BDKRB2: variants seen among roughly 807,000 people sequenced by gnomAD.
The protein encoded by BDKRB2 is bradykinin receptor B2.
A neutral mutation model predicts 4.0 loss-of-function variants in BDKRB2; 6 were observed. That is an observed-to-expected ratio of 1.49 (90% confidence interval 0.81 to 2.93). BDKRB2 has a LOEUF of 2.93. BDKRB2 is among the 30% of genes most tolerant of loss of function. The pLI, the probability that BDKRB2 is intolerant of heterozygous loss-of-function variation, is 0.00. For missense variants in BDKRB2, 478 were observed against 520.1 expected (o/e 0.92, Z 0.79); for synonymous variants, 225 against 215.3 (o/e 1.05, Z -0.40).
intron 1 of BDKRB2, among the ~76,000 whole-genome samples, chr14:96,227,586 C>T (rs1890725463): frequency 6.6e-6 from 1 of 152,034 alleles, no homozygotes; most frequent in Non-Finnish European, 1.5e-5. Context: ...CAAACACATG[C>T]ATGCACACAC....
intron 1 of BDKRB2, among the ~76,000 whole-genome samples, chr14:96,225,591 T>C (rs1890677682): frequency 6.6e-6 from 1 of 151,914 alleles, no homozygotes; most frequent in Admixed American, 6.6e-5. Flanking sequence ...ATAGTATAGG[T>C]CCCTTCAGCA....
intron 1 of BDKRB2, among the ~76,000 whole-genome samples, chr14:96,210,160 A>C (rs768021227): frequency 1.5e-4 from 23 of 152,274 alleles, no homozygotes; most frequent in Non-Finnish European, 2.8e-4. Flanking sequence ...GGTGAAATAC[A>C]ACAGAGCTGC....
At chr14:96,214,742 A>G (rs1399085167) in intron 1 of BDKRB2, 1 of 152,292 alleles carries the variant, frequency 6.6e-6, no homozygotes. Context: ...CTCACAGGTT[A>G]TGAAAAGGGG....
At chr14:96,205,495 G>A (rs1890155940) in intron 1 of BDKRB2, among the ~76,000 whole-genome samples, 2 of 151,852 alleles carry the variant, frequency 1.3e-5, no homozygotes, top group Admixed American at 1.3e-4. Context: ...CGGGGGTGGG[G>A]GGGTTTGTGA....
rs1885295676 is a variant in BDKRB2, at chr14:96,241,614, G to C, written c.*110G>C. On this transcript the variant is annotated 3_prime_UTR_variant, in exon 3 of 3. Coordinates refer to ENST00000554311, the MANE Select transcript of BDKRB2 (RefSeq NM_001379692.1). ...ACATCTATGCACGACCTTGGGAAAT[G>C]AGTTGATGTCTCCGGTAAAACACCG... 1 of 1,427,638 alleles carries C rather than the reference G, an allele frequency of 7.0e-7. No individual in the cohort carries two copies. The highest frequency in any genetic ancestry group is 9.1e-7 in the Non-Finnish European group (1 of 1,095,912). The allele number at this position is 1,427,638 out of a possible 1,614,324, so 88.4% of individuals were successfully genotyped here.
intron 1 of BDKRB2, among the ~76,000 whole-genome samples, chr14:96,209,936 C>T (rs1025948646): frequency 6.6e-6 from 1 of 152,080 alleles, no homozygotes; most frequent in African/African-American, 2.4e-5. Context: ...GCAGAGGTTG[C>T]AGGGAGCTGA....
At chr14:96,229,560 CACAG>C (rs1487617646) in intron 1 of BDKRB2, among the ~76,000 whole-genome samples, 1 of 152,122 alleles carries the variant, frequency 6.6e-6, no homozygotes, top group Non-Finnish European at 1.5e-5. Context: ...GCTGTCACCA[CACAG>C]ACAAACTGCT....
In BDKRB2 at chr14:96,240,889, C is replaced by T. The variant is rs1885271178; in HGVS notation, c.561C>T (p.Leu187=). Reference sequence around the variant, plus strand: ...TGGTGATCTGGGGGTGTACGCTGCTCCTGAGCTCACCCATGCTGGTGTTCC... The same window carrying T: ...TGGTGATCTGGGGGTGTACGCTGCTTCTGAGCTCACCCATGCTGGTGTTCC... ...YSLVIWGCTL[L]LSSPMLVFRT... The change falls in exon 3 of 3, where the codon CTC becomes CTT. Residue 187 remains leucine, a synonymous_variant. Coordinates refer to ENST00000554311, the MANE Select transcript of BDKRB2 (RefSeq NM_001379692.1). 6.3e-7 allele frequency: 1 copy of T among 1,595,826 alleles called. No homozygotes were observed. Among genetic ancestry groups the T allele is most frequent in the South Asian group, 1.2e-5 (1 of 86,590 alleles).
chr14:96,210,016 A>C (rs76427217), intron 1 of BDKRB2, among the ~76,000 whole-genome samples: 11,706 of 136,218 alleles, frequency 0.086, 501 homozygotes, highest in African/African-American at 0.11. Context: ...TAATAATAAT[A>C]ATCATCATCA....
chr14:96,239,976 C>G, intron 2 of BDKRB2: 1 of 990,538 alleles, frequency 1.0e-6, no homozygotes, highest in East Asian at 1.1e-4. Flanking sequence ...TCATTTTTCT[C>G]TTTTAATAAA....
intron 1 of BDKRB2, among the ~76,000 whole-genome samples, chr14:96,217,726 G>A (rs540263901): frequency 6.6e-6 from 1 of 151,648 alleles, no homozygotes; most frequent in Admixed American, 6.6e-5. Flanking sequence ...CAGAGCACCT[G>A]TCTTGGGAGC....
chr14:96,241,480 G>A lies in BDKRB2; in HGVS notation c.1152G>A (p.Gln384=), dbSNP rs375285151. ...TGGAACGCCAGATTCACAAACTGCAGGACTGGGCAGGGAGCAGACAGTGAG... is the reference window on the plus strand; with the variant it reads ...TGGAACGCCAGATTCACAAACTGCAAGACTGGGCAGGGAGCAGACAGTGAG... ...ISVERQIHKL[Q]DWAGSRQ Residue 384 remains glutamine, a synonymous_variant, in exon 3 of 3, where the codon CAG becomes CAA. Coordinates refer to ENST00000554311, the MANE Select transcript of BDKRB2 (RefSeq NM_001379692.1). 1 of 1,558,196 alleles carries A rather than the reference G, an allele frequency of 6.4e-7. No individual in the cohort carries two copies.
intron 1 of BDKRB2, among the ~76,000 whole-genome samples, chr14:96,228,278 A>C (rs4905471): frequency 0.89 from 135,691 of 152,262 alleles, 60,580 homozygotes; most frequent in East Asian, 1. Context: ...GCTCTTTTAG[A>C]AGTTGCCATT....
In BDKRB2 at chr14:96,221,021, G is replaced by A. The variant is rs374490270; in HGVS notation, c.-39-16048G>A. Among the ~76,000 whole-genome samples the A allele has an allele frequency of 7.9e-5, 12 of 152,112 alleles. No individual in the cohort carries two copies. The East Asian group carries it at 2.3e-3, about 29-fold the overall frequency. ...CTATAAAGAGAGATAATGCAGTGAG[G>A]TGCCGGGGTTCAAATCCCAACTCCA... On this transcript the variant is annotated intron_variant, in intron 1 of 2. Coordinates refer to ENST00000554311, the MANE Select transcript of BDKRB2 (RefSeq NM_001379692.1).
intron 2 of BDKRB2, chr14:96,237,655 G>T: frequency 1.6e-6 from 2 of 1,280,616 alleles, no homozygotes; most frequent in South Asian, 2.5e-5. Flanking sequence ...CTGTTCTTGG[G>T]GACAGCATTT....
chr14:96,213,291 C>G (rs1338485782), intron 1 of BDKRB2, among the ~76,000 whole-genome samples: 2 of 152,160 alleles, frequency 1.3e-5, no homozygotes, highest in East Asian at 1.9e-4. Flanking sequence ...TCTTTCCCCA[C>G]AAGGAGCTGA....
intron 2 of BDKRB2, 63 bp downstream of exon 2, chr14:96,237,244 C>A: frequency 3.5e-6 from 5 of 1,443,524 alleles, no homozygotes; most frequent in Non-Finnish European, 4.9e-6. Context: ...CTGGAGAACT[C>A]CCTGGAAAGC....
intron 1 of BDKRB2, among the ~76,000 whole-genome samples, chr14:96,209,039 G>A (rs538284089): frequency 2.8e-4 from 42 of 152,314 alleles, no homozygotes; most frequent in Admixed American, 3.9e-4. Flanking sequence ...TCTTCCCTGC[G>A]GGTTTCCTAA....
At chr14:96,212,985 C>T (rs145081666) in intron 1 of BDKRB2, among the ~76,000 whole-genome samples, 175 of 152,248 alleles carry the variant, frequency 1.1e-3, no homozygotes, top group African/African-American at 3.3e-3. Context: ...CTAGCTATTT[C>T]GCCACCAGTA....
Sources: allele counts gnomAD v4.1 joint callset (sites outside exome capture counted in the v4.1 genomes callset), GRCh38; gene constraint gnomAD v4.1.1; transcripts MANE v1.5; gene names NCBI Gene and HGNC (gene_info 2026-07-23, HGNC 2026-07-21).